Variants in RRH observed in about 807,000 individuals in gnomAD.
The protein encoded by RRH is visual pigment-like receptor peropsin.
RRH carries 36 observed loss-of-function variants against 33.1 expected under a neutral mutation model. The observed-to-expected ratio is 1.09, with a 90% CI of 0.83 to 1.44. The LOEUF (loss-of-function observed/expected upper bound fraction) is 1.44, where lower values mean the gene tolerates loss of function less well. RRH is among the 40% of genes most tolerant of loss of function. RRH has a pLI of 0.00. For synonymous variants in RRH, 124 were observed against 140.2 expected (o/e 0.88, Z 0.82); for missense variants, 393 against 420.2 (o/e 0.94, Z 0.57).
intron 5 of RRH, 54 bp downstream of exon 5, chr4:109,837,659 T>C: frequency 1.4e-6 from 2 of 1,425,798 alleles, no homozygotes; most frequent in Admixed American, 1.8e-5. Flanking sequence ...TACCCACTCA[T>C]AGTTGAAAGA....
At position 109,833,138 on chromosome 4, in the gene RRH, G is replaced by GGTATGATAA. The variant is rs1733793039; in HGVS notation, c.111_119dup (p.Met37_Ser39dup). On this transcript the variant is annotated inframe_insertion and splice_region_variant. Coordinates refer to ENST00000317735, the MANE Select transcript of RRH (RefSeq NM_006583.5). ...CATCATATTTTTGTGTGTGTTCTCA[G>GGTATGATAA]GTATGATAAGTATTATCAGCAACAT... 1 of 1,610,724 alleles carries GGTATGATAA rather than the reference G, an allele frequency of 6.2e-7. No homozygotes were observed. Among genetic ancestry groups the GGTATGATAA allele is most frequent in the African/African-American group, 1.3e-5 (1 of 74,944 alleles).
chr4:109,839,398 G>T (rs886783960), intron 5 of RRH, among the ~76,000 whole-genome samples: 1 of 152,134 alleles, frequency 6.6e-6, no homozygotes, highest in Non-Finnish European at 1.5e-5. Context: ...CAACCTTTCT[G>T]TAACATTTTT....
chr4:109,842,656 T>C lies in RRH; in HGVS notation c.899+9T>C, dbSNP rs1734007951. The C allele has an allele frequency of 6.2e-7, 1 of 1,603,496 alleles. No homozygotes were observed. The highest frequency in any genetic ancestry group is 8.5e-7 in the Non-Finnish European group (1 of 1,170,334). ...GTGGTTGCTAATAAAAAGTAAGTAA[T>C]GTCTAAAATGCTTGCAGTACAAAAT... On this transcript the variant is annotated intron_variant, in intron 6 of 6. Transcript: ENST00000317735.
chr4:109,844,544 G>A lies in RRH; in HGVS notation c.*347G>A, dbSNP rs1250072856. 1 of 163,220 alleles carries A rather than the reference G, an allele frequency of 6.1e-6. No individual in the cohort carries two copies. The highest frequency in any genetic ancestry group is 1.3e-5 in the Non-Finnish European group (1 of 74,624). 10.1% of individuals were successfully genotyped at this position (163,220 alleles called of 1,614,324 possible). Reference sequence around the variant, plus strand: ...AAAAGCAGTCACTAATTTAATGTTAGAATAAATGAATAATTCTAGATAATT... The same window carrying A: ...AAAAGCAGTCACTAATTTAATGTTAAAATAAATGAATAATTCTAGATAATT... On this transcript the variant is annotated 3_prime_UTR_variant, in exon 7 of 7. Transcript: ENST00000317735.
rs1427638680 is a variant in RRH at position 109,844,114 on chromosome 4, T to C, written c.931T>C (p.Cys311Arg). 1 of 1,613,824 alleles carries C rather than the reference T, an allele frequency of 6.2e-7. No homozygotes were observed. The highest frequency in any genetic ancestry group is 8.5e-7 in the Non-Finnish European group (1 of 1,179,812). The part of the protein sequence containing the change: ...FRRAMLAMFK[C>R]QTHQTMPVTS... ...GAGGGCAATGCTTGCCATGTTCAAA[T>C]GTCAGACTCACCAAACAATGCCTGT... The change falls in exon 7 of 7, where the codon TGT becomes CGT. Residue 311 changes from cysteine (C) to arginine (R), a missense_variant. Coordinates refer to ENST00000317735, the MANE Select transcript of RRH (RefSeq NM_006583.5).
chr4:109,830,626 G>A (rs1483990796), intron 1 of RRH, among the ~76,000 whole-genome samples: 4 of 152,094 alleles, frequency 2.6e-5, no homozygotes, highest in African/African-American at 9.7e-5. Context: ...AGGAGAAAAA[G>A]TCTCTCAGTT....
intron 1 of RRH, among the ~76,000 whole-genome samples, chr4:109,829,372 A>G (rs754952565): frequency 6.6e-6 from 1 of 151,724 alleles, no homozygotes; most frequent in Non-Finnish European, 1.5e-5. Flanking sequence ...ACATGGAAAT[A>G]CTTTGTATAC....
At chr4:109,837,035 C>T (rs369535515) in intron 4 of RRH, among the ~76,000 whole-genome samples, 2 of 151,874 alleles carry the variant, frequency 1.3e-5, no homozygotes, top group South Asian at 2.1e-4. Context: ...TACAGTGAGA[C>T]GTGATTGCAC....
At chr4:109,839,695 A>G (rs900116367) in intron 5 of RRH, among the ~76,000 whole-genome samples, 21 of 152,136 alleles carry the variant, frequency 1.4e-4, no homozygotes, top group African/African-American at 4.8e-4. Context: ...CCCACTTATA[A>G]GTGAGAACAT....
chr4:109,830,948 G>A lies in RRH; in HGVS notation c.107-2191G>A, dbSNP rs560023323. Among the ~76,000 whole-genome samples, 4 of 152,156 alleles carry A rather than the reference G, an allele frequency of 2.6e-5. 1 individual carries two copies. Among genetic ancestry groups the A allele is most frequent in the Non-Finnish European group, 5.9e-5 (4 of 68,012 alleles). On this transcript the variant is annotated intron_variant, in intron 1 of 6. Coordinates refer to ENST00000317735, the MANE Select transcript of RRH (RefSeq NM_006583.5). The stretch of plus-strand genomic sequence containing the variant: ...TCAAGTGCTACTTAGTGTTTAGACT[G>A]ACTGTGAAATGGGACTTAACTAAAA...
rs1427791643 is a variant in RRH, at chr4:109,834,318, TC to T, written c.297+990del. 2.2e-4 allele frequency among the ~76,000 whole-genome samples: 33 copies of T among 149,308 alleles called. No homozygotes were observed. In the South Asian group the frequency reaches 3.4e-3, roughly 15 times the overall value. On this transcript the variant is annotated intron_variant, in intron 2 of 6. Coordinates refer to ENST00000317735, the MANE Select transcript of RRH (RefSeq NM_006583.5). ...ATTGGACCTTTGTTGCCATTTTTTT[TC>T]TTTTCCTTTTTTTTTTTTTTTTTTA...
At chr4:109,841,330 G>A (rs140043991) in intron 5 of RRH, among the ~76,000 whole-genome samples, 74 of 152,258 alleles carry the variant, frequency 4.9e-4, no homozygotes, top group Middle Eastern at 3.4e-3. Flanking sequence ...CAGGGAGGGA[G>A]CAGCATACAG....
intron 2 of RRH, among the ~76,000 whole-genome samples, chr4:109,834,715 A>G (rs2125892940): frequency 6.6e-6 from 1 of 151,608 alleles, no homozygotes; most frequent in South Asian, 2.1e-4. Context: ...GCAATATGTG[A>G]GTTTCTTTAG....
At chr4:109,837,845 G>GGTCA (rs1733915872) in intron 5 of RRH, among the ~76,000 whole-genome samples, 1 of 151,762 alleles carries the variant, frequency 6.6e-6, no homozygotes, top group Admixed American at 6.6e-5. Context: ...GCACGATCTC[G>GGTCA]GCTCACTGCA....
chr4:109,844,301 C>T lies in RRH; in HGVS notation c.*104C>T. ...TCAAGTGCAGACATGGATCATTGTC[C>T]TATGAGAGTGTAAGCTCCTCAAGCA... is the stretch of plus-strand genomic sequence containing the variant. On this transcript the variant is annotated 3_prime_UTR_variant, in exon 7 of 7. Coordinates refer to ENST00000317735, the MANE Select transcript of RRH (RefSeq NM_006583.5). 1 of 756,198 alleles carries T rather than the reference C, an allele frequency of 1.3e-6. No individual in the cohort carries two copies. The highest frequency in any genetic ancestry group is 1.7e-5 in the African/African-American group (1 of 57,836). The allele number at this position is 756,198 out of a possible 1,614,324, so 46.8% of individuals were successfully genotyped here.
chr4:109,838,028 C>T (rs1407912561), intron 5 of RRH, among the ~76,000 whole-genome samples: 1 of 152,222 alleles, frequency 6.6e-6, no homozygotes, highest in Non-Finnish European at 1.5e-5. Context: ...GATCCACCTG[C>T]CTTGGCCTCC....
chr4:109,839,903 A>G (rs1387107714), intron 5 of RRH, among the ~76,000 whole-genome samples: 2 of 152,158 alleles, frequency 1.3e-5, no homozygotes, highest in Admixed American at 1.3e-4. Flanking sequence ...CATGATTGCT[A>G]TTGTGAATAG....
At chr4:109,840,976 CA>C (rs982092858) in intron 5 of RRH, among the ~76,000 whole-genome samples, 2 of 151,894 alleles carry the variant, frequency 1.3e-5, no homozygotes, top group African/African-American at 2.4e-5. Flanking sequence ...ATCTGCTAAT[CA>C]AAAAAATTTT....
At position 109,837,522 on chromosome 4, in the gene RRH, A is replaced by G; in HGVS notation, c.637A>G (p.Thr213Ala). 6.2e-7 allele frequency: 1 copy of G among 1,613,544 alleles called. No homozygotes were observed. Among genetic ancestry groups the G allele is most frequent in the South Asian group, 1.1e-5 (1 of 91,080 alleles). The change falls in exon 5 of 7, where the codon ACG becomes GCG. Residue 213 changes from threonine (T) to alanine (A), a missense_variant. By Grantham distance (58) the Thr-to-Ala change is moderately conservative (BLOSUM62 0). Transcript: ENST00000317735. ...TVMFYCYYHV[T>A]LSIKHHTTSD... ...GATGTTTTACTGCTATTACCATGTCACGCTATCCATTAAACATCACACTAC... is the reference window on the plus strand; with the variant it reads ...GATGTTTTACTGCTATTACCATGTCGCGCTATCCATTAAACATCACACTAC...
Sources: gnomAD v4.1 joint callset for allele counts (sites outside exome capture counted in the v4.1 genomes callset) on GRCh38, gnomAD v4.1.1 for gene constraint, MANE v1.5 for transcripts, NCBI Gene and HGNC (gene_info 2026-07-23, HGNC 2026-07-21) for gene names.